SLCO2B1: variants seen among roughly 807,000 people sequenced by gnomAD.
The protein encoded by SLCO2B1 is solute carrier organic anion transporter family member 2B1.
In SLCO2B1, 41 loss-of-function variants were observed where a neutral mutation model predicts 67.3. That is an observed-to-expected ratio of 0.61 (90% CI 0.47 to 0.79). The LOEUF (loss-of-function observed/expected upper bound fraction) is 0.79, where lower values mean the gene tolerates loss of function less well. SLCO2B1 is among the 30% of genes least tolerant of loss of function. The probability of loss-of-function intolerance (pLI) is 0.00; values close to 1 mark genes in which losing one functional copy is unlikely to be tolerated. For synonymous variants in SLCO2B1, 379 were observed against 381.4 expected (o/e 0.99, Z 0.07); for missense variants, 837 against 920.1 (o/e 0.91, Z 1.17).
intron 9 of SLCO2B1, chr11:75,196,262 G>A: frequency 6.0e-6 from 3 of 500,774 alleles, no homozygotes; most frequent in African/African-American, 5.9e-5. Context: ...CTGTAGAAGG[G>A]TCACTGAGGT....
intron 8 of SLCO2B1, among the ~76,000 whole-genome samples, chr11:75,189,883 A>G (rs1944992504): frequency 6.6e-6 from 1 of 151,236 alleles, no homozygotes; most frequent in African/African-American, 2.4e-5. Flanking sequence ...GATTGCTTGA[A>G]CCTGGGAGTT....
At chr11:75,166,097 C>A in intron 4 of SLCO2B1, 148 bp downstream of exon 4, 2 of 944,584 alleles carry the variant, frequency 2.1e-6, no homozygotes, top group Non-Finnish European at 3.1e-6. Context: ...CAACCTGGCT[C>A]CCCAGGCCCC....
intron 3 of SLCO2B1, among the ~76,000 whole-genome samples, chr11:75,165,348 C>G (rs1949874232): frequency 6.6e-6 from 1 of 151,802 alleles, no homozygotes; most frequent in African/African-American, 2.4e-5. Context: ...AGGAGAATTG[C>G]TCGAACCTGG....
Position 75,204,331 on chromosome 11 carries a change from T to C in SLCO2B1, c.1950-69T>C, listed in dbSNP as rs902796697. On this transcript the variant is annotated intron_variant, in intron 13 of 13. Transcript: ENST00000289575. ...TCAGTATCTCTGATTTCACAATGAG[T>C]GATGACTGCTGACGTCCATGCCCTG... The C allele has an allele frequency of 3.4e-5, 49 of 1,440,052 alleles. No individual in the cohort carries two copies. In the Admixed American group the frequency reaches 1.1e-3, roughly 31 times the overall value. The allele number at this position is 1,440,052 out of a possible 1,614,324, so 89.2% of individuals were successfully genotyped here. A position where few individuals can be genotyped will look rare whatever the true frequency, so the allele number is the denominator to read the frequency against.
rs1320660565 is a variant in SLCO2B1, at chr11:75,200,284, G to C, written c.1660G>C (p.Asp554His). 1.2e-6 allele frequency: 2 copies of C among 1,613,876 alleles called. No homozygotes were observed. Among genetic ancestry groups the C allele is most frequent in the Non-Finnish European group, 1.7e-6 (2 of 1,179,942 alleles). ...EGNPVLAGSC[D>H]STCSHLVVPF... ...CAACCCCGTGCTGGCAGGATCCTGC[G>C]ACTCAACGTGCAGCCATCTGGTGGT... The change falls in exon 11 of 14, where the codon GAC (aspartate) becomes CAC (histidine). Residue 554 changes from aspartate (D) to histidine (H), a missense_variant. By Grantham distance (81) the Asp-to-His change is moderately conservative. Transcript: ENST00000289575.
At chr11:75,200,666 C>T (rs1191514513) in intron 11 of SLCO2B1, 2 of 326,728 alleles carry the variant, frequency 6.1e-6, no homozygotes, top group African/African-American at 2.1e-5. Context: ...TGGCCCACAG[C>T]CCAGGCTCCT....
intron 1 of SLCO2B1, among the ~76,000 whole-genome samples, chr11:75,162,001 G>C (rs1262410222): frequency 6.6e-6 from 1 of 152,198 alleles, no homozygotes; most frequent in Non-Finnish European, 1.5e-5. Flanking sequence ...GTCCACAAGA[G>C]TGTTAAGTGA....
At chr11:75,183,752 G>A (rs1950115087) in intron 7 of SLCO2B1, among the ~76,000 whole-genome samples, 1 of 152,114 alleles carries the variant, frequency 6.6e-6, no homozygotes, top group African/African-American at 2.4e-5. Flanking sequence ...TCAAACTCCT[G>A]GCCTCAAGCA....
intron 7 of SLCO2B1, among the ~76,000 whole-genome samples, chr11:75,178,191 C>A (rs1006588119): frequency 2.0e-5 from 3 of 152,064 alleles, no homozygotes; most frequent in Non-Finnish European, 4.4e-5. Flanking sequence ...CTGTCAGGTG[C>A]GTCTACCATG....
In SLCO2B1 at chr11:75,193,354, C is replaced by T. The variant is rs778537740; in HGVS notation, c.1212C>T (p.Ile404=). Residue 404 remains isoleucine (I), a synonymous_variant, in exon 9 of 14, where the codon ATC becomes ATT. Transcript: ENST00000289575. This position sits in a 1 kb window ranked among gnomAD's most constrained non-coding sequence, Gnocchi z 4.2. The stretch of plus-strand genomic sequence containing the variant: ...AGTTCCTGGAGCGCCAGTTTTCCAT[C>T]ACAGCCTCCTACGCCAACCTGCTCA... ...LPKFLERQFS[I]TASYANLLIG... 9.9e-6 allele frequency: 16 copies of T among 1,614,200 alleles called. No homozygotes were observed. In the South Asian group the frequency reaches 1.8e-4, roughly 18 times the overall value.
At chr11:75,172,050 A>G (rs2140315716) in intron 6 of SLCO2B1, among the ~76,000 whole-genome samples, 1 of 152,314 alleles carries the variant, frequency 6.6e-6, no homozygotes, top group South Asian at 2.1e-4. Context: ...ATATTTCACA[A>G]AGGACAAAAA....
At chr11:75,159,767 C>T (rs1411639169) in intron 1 of SLCO2B1, 2 of 845,072 alleles carry the variant, frequency 2.4e-6, no homozygotes, top group African/African-American at 3.6e-5. Flanking sequence ...AGGCTGTGGA[C>T]TTTGCCCTCC....
intron 10 of SLCO2B1, 119 bp from the exon 11 acceptor site, chr11:75,200,105 G>T (rs1255431064): frequency 1.7e-5 from 19 of 1,086,844 alleles, no homozygotes; most frequent in Non-Finnish European, 2.5e-5. Context: ...CTCCCAGCCA[G>T]CTCTACCCCA....
intron 1 of SLCO2B1, among the ~76,000 whole-genome samples, chr11:75,154,339 A>G (rs1040782974): frequency 4.6e-5 from 7 of 152,006 alleles, no homozygotes; most frequent in Admixed American, 2.6e-4. Flanking sequence ...ACTAAAAAAA[A>G]AATACAAAAA....
chr11:75,165,938 A>T lies in SLCO2B1; in HGVS notation c.437A>T (p.Asn146Ile). ...HFISEPYRYD[N>I]TSPEDMPQDF... Reference sequence around the variant, plus strand: ...ATCTCGGAGCCATACCGCTACGACAACACCAGCCCTGGTAAGAGCAGCAGG... The same window carrying T: ...ATCTCGGAGCCATACCGCTACGACATCACCAGCCCTGGTAAGAGCAGCAGG... The change falls in exon 4 of 14, where the codon AAC becomes ATC. Residue 146 changes from asparagine (N) to isoleucine (I), a missense_variant. By Grantham distance (149) the Asn-to-Ile change is moderately radical. Transcript: ENST00000289575. 1.2e-6 allele frequency: 2 copies of T among 1,613,876 alleles called. No individual in the cohort carries two copies. Among genetic ancestry groups the T allele is most frequent in the Non-Finnish European group, 1.7e-6 (2 of 1,179,840 alleles).
At chr11:75,199,026 A>C (rs541630553) in intron 10 of SLCO2B1, among the ~76,000 whole-genome samples, 1 of 152,208 alleles carries the variant, frequency 6.6e-6, no homozygotes, top group East Asian at 1.9e-4. Context: ...TCATCCTGGC[A>C]ACCTCTGCTT....
chr11:75,170,184 G>A (rs574771123), intron 6 of SLCO2B1, among the ~76,000 whole-genome samples: 1 of 152,326 alleles, frequency 6.6e-6, no homozygotes, highest in East Asian at 1.9e-4. Context: ...GTTAAACAGA[G>A]AGGACAGTGC....
At chr11:75,153,365 C>T (rs1949713308) in intron 1 of SLCO2B1, among the ~76,000 whole-genome samples, 2 of 152,218 alleles carry the variant, frequency 1.3e-5, no homozygotes, top group Non-Finnish European at 2.9e-5. Flanking sequence ...AGGGAAAGAA[C>T]CAGCAGTCCC....
chr11:75,152,401 G>A (rs1949703013), intron 1 of SLCO2B1: 1 of 152,358 alleles, frequency 6.6e-6, no homozygotes, highest in Non-Finnish European at 1.5e-5. Flanking sequence ...ACCCAGCTGA[G>A]GAGCAGCTGC....
Sources: allele counts gnomAD v4.1 joint callset (sites outside exome capture counted in the v4.1 genomes callset), GRCh38; gene constraint gnomAD v4.1.1; non-coding constraint Gnocchi (gnomAD v3.1); transcripts MANE v1.5; gene names NCBI Gene and HGNC (gene_info 2026-07-23, HGNC 2026-07-21).